Variants in ASAP1 observed in about 807,000 individuals in gnomAD.
ASAP1 encodes arf-GAP with SH3 domain, ANK repeat and PH domain-containing protein 1.
A neutral mutation model predicts 145.2 loss-of-function variants in ASAP1; 43 were observed. The observed-to-expected ratio is 0.30, with a 90% CI of 0.23 to 0.38. The LOEUF is 0.38. Ranked by LOEUF, ASAP1 falls within the 10% of genes least tolerant of loss-of-function variation. ASAP1 has a pLI of 1.00. For synonymous variants in ASAP1, 546 were observed against 515.5 expected (o/e 1.06, Z -0.80); for missense variants, 1,018 against 1,355.3 (o/e 0.75, Z 3.91).
intron 5 of ASAP1, among the ~76,000 whole-genome samples, chr8:130,199,391 T>C (rs1015211169): frequency 1.3e-5 from 2 of 152,208 alleles, no homozygotes; most frequent in African/African-American, 4.8e-5. Flanking sequence ...GAACCAGTTT[T>C]GGTCGTCCTG....
At chr8:130,112,953 G>A (rs1026652910) in intron 23 of ASAP1, among the ~76,000 whole-genome samples, 4 of 152,244 alleles carry the variant, frequency 2.6e-5, no homozygotes, top group South Asian at 4.2e-4. Flanking sequence ...TGGAGTCCCT[G>A]GTTCCTGCAT....
chr8:130,326,244 A>T (rs557310555), intron 3 of ASAP1, among the ~76,000 whole-genome samples: 2 of 152,230 alleles, frequency 1.3e-5, no homozygotes, highest in African/African-American at 4.8e-5. Context: ...GAGAAGTCCC[A>T]GCATGCTCAC....
intron 18 of ASAP1, among the ~76,000 whole-genome samples, chr8:130,123,755 T>C (rs994967106): frequency 6.6e-6 from 1 of 151,978 alleles, no homozygotes; most frequent in African/African-American, 2.4e-5. Context: ...GCCTCCCGAG[T>C]AGCTGGGACT....
At chr8:130,248,190 T>C (rs956215400) in intron 3 of ASAP1, among the ~76,000 whole-genome samples, 7 of 152,064 alleles carry the variant, frequency 4.6e-5, no homozygotes, top group African/African-American at 1.7e-4. Context: ...CACTCAAGCA[T>C]TCAGTCTGTG....
chr8:130,103,108 C>A (rs11783860), intron 24 of ASAP1, among the ~76,000 whole-genome samples: 1 of 151,932 alleles, frequency 6.6e-6, no homozygotes, highest in Non-Finnish European at 1.5e-5. Context: ...TATTATTAAT[C>A]TGCTCAGGTT....
chr8:130,292,200 C>T (rs151329374), intron 3 of ASAP1, among the ~76,000 whole-genome samples: 10 of 152,308 alleles, frequency 6.6e-5, no homozygotes, highest in African/African-American at 9.6e-5. Context: ...CATGCATACA[C>T]GCATTCATTC....
chr8:130,417,614 CA>C, intron 1 of ASAP1, among the ~76,000 whole-genome samples: 1 of 146,314 alleles, frequency 6.8e-6, no homozygotes, highest in East Asian at 2.0e-4. Context: ...GTCCTGGCTT[CA>C]GGGGAAAAAA....
At chr8:130,399,059 C>T (rs1487911956) in intron 2 of ASAP1, among the ~76,000 whole-genome samples, 1 of 152,164 alleles carries the variant, frequency 6.6e-6, no homozygotes, top group Non-Finnish European at 1.5e-5. Flanking sequence ...TAAGTAGGAA[C>T]AGGAGGTGCA....
rs35169399 is a variant in ASAP1, at chr8:130,328,611, CT to C, written c.186+29405del. Among the ~76,000 whole-genome samples the C allele has an allele frequency of 5.0e-3, 684 of 137,366 alleles. 1 individual carries two copies. Among genetic ancestry groups the C allele is most frequent in the East Asian group, 0.02 (95 of 4,702 alleles). The allele number at this position is 137,366 out of a possible 152,430, so 90.1% of individuals were successfully genotyped here. ...ATTAATTAGTTATGGCTCAGTAGTT[CT>C]TTTTTTTTTTTTTTTAAGAGACAAG... On this transcript the variant is annotated intron_variant, in intron 3 of 29. Transcript: ENST00000518721.
intron 1 of ASAP1, among the ~76,000 whole-genome samples, chr8:130,423,782 CTTCT>C (rs201198834): frequency 0.034 from 5,180 of 152,186 alleles, 123 homozygotes; most frequent in Middle Eastern, 0.069. Flanking sequence ...TGATTATTTG[CTTCT>C]TTATCTTTTC....
At chr8:130,351,022 T>C (rs1825964097) in intron 3 of ASAP1, among the ~76,000 whole-genome samples, 1 of 152,198 alleles carries the variant, frequency 6.6e-6, no homozygotes, top group Non-Finnish European at 1.5e-5. Flanking sequence ...CTGTCTTTGA[T>C]CACAAAAGGC....
chr8:130,278,461 CAAAG>C (rs1248099842), intron 3 of ASAP1, among the ~76,000 whole-genome samples: 3 of 151,950 alleles, frequency 2.0e-5, no homozygotes, highest in Non-Finnish European at 2.9e-5. Context: ...AGGGTGGAAA[CAAAG>C]AAATTACCCA....
chr8:130,411,532 C>G (rs564834282), intron 1 of ASAP1, among the ~76,000 whole-genome samples: 2 of 152,326 alleles, frequency 1.3e-5, no homozygotes, highest in South Asian at 4.1e-4. Context: ...ACCTGTGTTT[C>G]CTTGGATCAC....
chr8:130,250,771 C>G (rs1197519253), intron 3 of ASAP1, among the ~76,000 whole-genome samples: 4 of 151,920 alleles, frequency 2.6e-5, no homozygotes, highest in Non-Finnish European at 4.4e-5. Context: ...AAAAAAAAAT[C>G]CAAATGAATT....
rs557500218 is a variant in ASAP1 at position 130,180,052 on chromosome 8, G to A, written c.660+699C>T. Among the ~76,000 whole-genome samples the A allele has an allele frequency of 6.1e-3, 914 of 148,654 alleles. 8 individuals carry two copies. The highest frequency in any genetic ancestry group is 0.022 in the African/African-American group (883 of 40,168). ...GAGAGGGAGGGAAGGAAGGAAGGGAGGGAGGGAGGAGAAGGGGAAGGGGAA... is the reference window on the plus strand; with the variant it reads ...GAGAGGGAGGGAAGGAAGGAAGGGAAGGAGGGAGGAGAAGGGGAAGGGGAA... On this transcript the variant is annotated intron_variant, in intron 8 of 29. Coordinates refer to ENST00000518721, the MANE Select transcript of ASAP1 (RefSeq NM_018482.4).
chr8:130,324,825 C>T (rs1360785745), intron 3 of ASAP1, among the ~76,000 whole-genome samples: 1 of 152,168 alleles, frequency 6.6e-6, no homozygotes, highest in Non-Finnish European at 1.5e-5. Flanking sequence ...TACAGCACCT[C>T]TTTTGAAAAG....
intron 3 of ASAP1, among the ~76,000 whole-genome samples, chr8:130,275,562 TTTTA>T (rs1820829928): frequency 6.6e-6 from 1 of 151,896 alleles, no homozygotes; most frequent in Admixed American, 6.6e-5. Flanking sequence ...GTGAAAAGGG[TTTTA>T]AAGGGGCCTT....
At chr8:130,129,052 T>C (rs550518695) in intron 15 of ASAP1, among the ~76,000 whole-genome samples, 53 of 152,274 alleles carry the variant, frequency 3.5e-4, no homozygotes, top group Non-Finnish European at 6.0e-4. Flanking sequence ...GTTCTCATGA[T>C]AGTGAGTGAG....
At chr8:130,201,739 GATA>G (rs1474895539) in intron 5 of ASAP1, among the ~76,000 whole-genome samples, 1 of 152,212 alleles carries the variant, frequency 6.6e-6, no homozygotes, top group Non-Finnish European at 1.5e-5. Flanking sequence ...TACTTAAAAT[GATA>G]ATCAGTTAGT....
Sources: gnomAD v4.1 joint callset for allele counts (sites outside exome capture counted in the v4.1 genomes callset) on GRCh38, gnomAD v4.1.1 for gene constraint, MANE v1.5 for transcripts, NCBI Gene and HGNC (gene_info 2026-07-23, HGNC 2026-07-21) for gene names.